MAST4: variants seen among roughly 807,000 people sequenced by gnomAD.
The protein encoded by MAST4 is microtubule associated serine/threonine kinase family member 4.
Under a neutral mutation model 162.7 loss-of-function variants are expected in MAST4, and 89 were observed. The ratio of observed to expected loss-of-function variants is 0.55; its 90% CI spans 0.46 to 0.65. The LOEUF (loss-of-function observed/expected upper bound fraction) is 0.65. MAST4 is among the 30% of genes least tolerant of loss of function. The pLI is 0.00. For synonymous variants in MAST4, 1,479 were observed against 1,361.1 expected, an observed-to-expected ratio of 1.09 and a Z score of -1.91; for missense variants, 3,153 against 3,374.0, an observed-to-expected ratio of 0.93 and a Z score of 1.62.
intron 3 of MAST4, among the ~76,000 whole-genome samples, chr5:66,896,460 T>G (rs193196357): frequency 1.3e-5 from 2 of 152,176 alleles, no homozygotes; most frequent in African/African-American, 4.8e-5. Flanking sequence ...AGTGAGTCAC[T>G]AGGTCCCAGC....
At chr5:67,000,164 C>T (rs1399803449) in intron 4 of MAST4, among the ~76,000 whole-genome samples, 1 of 152,168 alleles carries the variant, frequency 6.6e-6, no homozygotes, top group Non-Finnish European at 1.5e-5. Context: ...CCCTAGGGAA[C>T]TAGTCACTTC....
chr5:66,719,550 T>A (rs974259113), intron 1 of MAST4, among the ~76,000 whole-genome samples: 4 of 152,214 alleles, frequency 2.6e-5, no homozygotes, highest in African/African-American at 9.6e-5. Flanking sequence ...TTTTTCTTTT[T>A]TTCAATTTAT....
intron 4 of MAST4, among the ~76,000 whole-genome samples, chr5:67,025,053 TTCTC>T (rs1256418756): frequency 6.6e-6 from 1 of 152,200 alleles, no homozygotes; most frequent in African/African-American, 2.4e-5. Context: ...ACATTGTGGA[TTCTC>T]TCTTGCTTAC....
intron 1 of MAST4, among the ~76,000 whole-genome samples, chr5:66,724,893 T>C (rs1033705367): frequency 6.6e-6 from 1 of 152,028 alleles, no homozygotes; most frequent in South Asian, 2.1e-4. Context: ...CTTAAAGAAA[T>C]CTTACTAGTT....
At chr5:66,597,257 TA>T (rs1742250181) in intron 1 of MAST4, among the ~76,000 whole-genome samples, 1 of 152,204 alleles carries the variant, frequency 6.6e-6, no homozygotes, top group Non-Finnish European at 1.5e-5. Context: ...GGTGTGTTTT[TA>T]AAATGTCAGA....
intron 1 of MAST4, among the ~76,000 whole-genome samples, chr5:66,738,790 C>A (rs949207204): frequency 2.0e-5 from 3 of 152,178 alleles, no homozygotes; most frequent in Admixed American, 6.5e-5. Context: ...GCACTGTGAA[C>A]CACACCATAC....
At chr5:66,697,736 AT>A (rs1749496683) in intron 1 of MAST4, among the ~76,000 whole-genome samples, 1 of 152,174 alleles carries the variant, frequency 6.6e-6, no homozygotes. Flanking sequence ...ATGAATTATT[AT>A]TTTTTATTTT....
chr5:66,882,150 C>G (rs993197347), intron 3 of MAST4, among the ~76,000 whole-genome samples: 10 of 152,124 alleles, frequency 6.6e-5, no homozygotes, highest in African/African-American at 2.4e-4. Context: ...TTTCCATTAC[C>G]TCACATACCT....
intron 3 of MAST4, among the ~76,000 whole-genome samples, chr5:66,826,609 C>G (rs192841874): frequency 1.3e-5 from 2 of 152,212 alleles, no homozygotes; most frequent in East Asian, 1.9e-4. Flanking sequence ...CCACCACCCC[C>G]CCCAATCCCC....
rs1760000761 is a variant in MAST4, at chr5:67,064,534, T to TAC, written c.763+10044_763+10045dup. Among the ~76,000 whole-genome samples the TAC allele has an allele frequency of 2.6e-5, 4 of 152,360 alleles. No individual in the cohort carries two copies. In the South Asian group the frequency reaches 8.3e-4, roughly 32 times the overall value. On this transcript the variant is annotated intron_variant, in intron 5 of 28. Transcript: ENST00000403625. ...AATACTGAAGTACCACAAAGCCCTG[T>TAC]ACATCATACATTATCTTAATTACTT...
chr5:67,078,863 A>AATATATATTTATATAAATATATTTAT (rs1561621419), intron 5 of MAST4, among the ~76,000 whole-genome samples: 1 of 95,368 alleles, frequency 1.0e-5, no homozygotes, highest in Non-Finnish European at 1.9e-5. Context: ...TATTTATATA[A>AATATATATTTATATAAATATATTTAT]ATATATATTT....
intron 4 of MAST4, among the ~76,000 whole-genome samples, chr5:66,973,556 G>T (rs1197317218): frequency 6.6e-6 from 1 of 152,142 alleles, no homozygotes; most frequent in Non-Finnish European, 1.5e-5. Context: ...GCTGGTGTCT[G>T]CCAGATTTTC....
chr5:66,630,471 C>G (rs1307203066), intron 1 of MAST4, among the ~76,000 whole-genome samples: 1 of 152,034 alleles, frequency 6.6e-6, no homozygotes, highest in African/African-American at 2.4e-5. Flanking sequence ...TATCCTTGTT[C>G]TATCTTGAAA....
chr5:66,876,425 A>G (rs1229413244), intron 3 of MAST4, among the ~76,000 whole-genome samples: 1 of 152,110 alleles, frequency 6.6e-6, no homozygotes, highest in Non-Finnish European at 1.5e-5. Flanking sequence ...GGGATGTGAC[A>G]CAGGCCAAGA....
intron 14 of MAST4, among the ~76,000 whole-genome samples, chr5:67,128,186 C>T (rs764026736): frequency 6.6e-6 from 1 of 152,102 alleles, no homozygotes; most frequent in Non-Finnish European, 1.5e-5. Context: ...CCTTTTTATA[C>T]TCATGTTCCT....
chr5:66,670,147 A>G (rs1215964811), intron 1 of MAST4, among the ~76,000 whole-genome samples: 2 of 152,214 alleles, frequency 1.3e-5, no homozygotes, highest in African/African-American at 4.8e-5. Flanking sequence ...TGAGACCATT[A>G]TGAAAAGTGA....
intron 3 of MAST4, among the ~76,000 whole-genome samples, chr5:66,827,424 T>C (rs914932418): frequency 7.9e-5 from 12 of 152,230 alleles, no homozygotes; most frequent in Admixed American, 2.0e-4. Flanking sequence ...TCTGGAGATA[T>C]ATGCAAAGAC....
At chr5:66,997,678 C>T (rs1750824966) in intron 4 of MAST4, among the ~76,000 whole-genome samples, 1 of 152,198 alleles carries the variant, frequency 6.6e-6, no homozygotes, top group Admixed American at 6.5e-5. Context: ...GGTGCACCAC[C>T]TGCCTCCCAA....
chr5:66,996,864 G>T lies in MAST4; in HGVS notation c.675-57540G>T, dbSNP rs114201906. Among the ~76,000 whole-genome samples, 1,277 of 152,246 alleles carry T rather than the reference G, an allele frequency of 8.4e-3. 26 individuals are homozygous for T. The highest frequency in any genetic ancestry group is 0.029 in the African/African-American group (1,211 of 41,546). Reference sequence around the variant, plus strand: ...TAATTACATCTGCAAAACTCTTCTTGCTATATAAGGTAACATATTCACAGG... The same window carrying T: ...TAATTACATCTGCAAAACTCTTCTTTCTATATAAGGTAACATATTCACAGG... On this transcript the variant is annotated intron_variant, in intron 4 of 28. Coordinates refer to ENST00000403625, the MANE Select transcript of MAST4 (RefSeq NM_001164664.2).
Sources: allele counts gnomAD v4.1 joint callset (sites outside exome capture counted in the v4.1 genomes callset), GRCh38; gene constraint gnomAD v4.1.1; transcripts MANE v1.5; gene names NCBI Gene and HGNC (gene_info 2026-07-23, HGNC 2026-07-21).